The following CCDC141 variants were observed in gnomAD, a reference collection of about 807,000 sequenced individuals.
CCDC141 encodes the protein coiled-coil domain containing 141.
A neutral mutation model predicts 181.0 loss-of-function variants in CCDC141; 168 were observed. The observed-to-expected ratio is 0.93, with a 90% CI of 0.82 to 1.05. CCDC141 has a LOEUF of 1.05. Among genes scored for constraint, CCDC141 ranks in the 50% least tolerant of loss-of-function variants. CCDC141 has a pLI of 0.00. For missense variants in CCDC141, 1,902 were observed against 1,788.5 expected (o/e 1.06, Z -1.14); for synonymous variants, 666 against 642.3 (o/e 1.04, Z -0.56).
chr2:178,910,971 T>C (rs111671858), intron 7 of CCDC141, among the ~76,000 whole-genome samples: 2 of 152,230 alleles, frequency 1.3e-5, no homozygotes, highest in Non-Finnish European at 2.9e-5. Context: ...TGACCATCTC[T>C]TGTTCTGAGG....
chr2:178,951,921 G>A (rs987460376), intron 5 of CCDC141, among the ~76,000 whole-genome samples: 2 of 152,164 alleles, frequency 1.3e-5, no homozygotes, highest in African/African-American at 4.8e-5. Flanking sequence ...CAACCGACTT[G>A]GGGGCTTAAT....
At chr2:179,026,260 G>T (rs1200719325) in intron 2 of CCDC141, among the ~76,000 whole-genome samples, 2 of 152,196 alleles carry the variant, frequency 1.3e-5, no homozygotes, top group African/African-American at 4.8e-5. Context: ...GGAAAAAGTG[G>T]TTTCATGGGC....
intron 2 of CCDC141, among the ~76,000 whole-genome samples, chr2:179,033,550 T>C (rs911664257): frequency 7.9e-5 from 12 of 152,154 alleles, no homozygotes; most frequent in African/African-American, 2.7e-4. Context: ...ATATTTAATC[T>C]TACTCAGACA....
chr2:178,956,614 T>A (rs1159963977), intron 5 of CCDC141, among the ~76,000 whole-genome samples: 1 of 152,200 alleles, frequency 6.6e-6, no homozygotes, highest in Non-Finnish European at 1.5e-5. Context: ...AGAGCCTAAA[T>A]TTTATATTTA....
At position 178,944,550 on chromosome 2, in the gene CCDC141, C is replaced by T. The variant is rs776605749; in HGVS notation, c.882G>A (p.Leu294=). The change falls in exon 6 of 24, where the codon CTG becomes CTA. Residue 294 remains leucine, a synonymous_variant. Transcript: ENST00000443758. ...NEDRIHKQEE[L]IIKAKEWNSA... is the part of the protein sequence containing the mutation. Reference sequence around the variant, plus strand: ...TATCTCTTACCTTTGCTTTTATTATCAGTTCCTCTTGCTTATGAATTCGAT... The same window carrying T: ...TATCTCTTACCTTTGCTTTTATTATTAGTTCCTCTTGCTTATGAATTCGAT... 4.0e-6 allele frequency: 6 copies of T among 1,495,644 alleles called. No homozygotes were observed. Among genetic ancestry groups the T allele is most frequent in the Admixed American group, 4.3e-5 (2 of 46,444 alleles). The allele number at this position is 1,495,644 out of a possible 1,614,324, so 92.6% of individuals were successfully genotyped here. A position where few individuals can be genotyped will look rare whatever the true frequency, so the allele number is the denominator to read the frequency against.
In CCDC141 at chr2:179,044,600, C is replaced by T. The variant is rs372347353; in HGVS notation, c.225+2684G>A. On this transcript the variant is annotated intron_variant, in intron 2 of 23. Coordinates refer to ENST00000443758, the MANE Select transcript of CCDC141 (RefSeq NM_173648.4). Reference sequence around the variant, plus strand: ...CAAACTGATGTGAGCTCACCCACCACTACCCACAATTTATCAGTGGACTGG... The same window carrying T: ...CAAACTGATGTGAGCTCACCCACCATTACCCACAATTTATCAGTGGACTGG... Among the ~76,000 whole-genome samples the T allele has an allele frequency of 1.6e-3, 243 of 152,312 alleles. 1 individual carries two copies. Among genetic ancestry groups the T allele is most frequent in the African/African-American group, 5.7e-3 (238 of 41,554 alleles).
chr2:179,019,963 C>T (rs2042648274), intron 2 of CCDC141, among the ~76,000 whole-genome samples: 3 of 151,944 alleles, frequency 2.0e-5, no homozygotes, highest in Admixed American at 1.3e-4. Flanking sequence ...ACCATGTTGC[C>T]CAGGTGGGTC....
chr2:178,846,644 C>A (rs1684951782), intron 21 of CCDC141, among the ~76,000 whole-genome samples: 1 of 152,076 alleles, frequency 6.6e-6, no homozygotes, highest in Non-Finnish European at 1.5e-5. Context: ...TATCTTATTC[C>A]AAAATATCAG....
intron 4 of CCDC141, among the ~76,000 whole-genome samples, chr2:178,970,108 A>C (rs1250830262): frequency 6.6e-6 from 1 of 152,216 alleles, no homozygotes; most frequent in Admixed American, 6.5e-5. Flanking sequence ...ACCACCGCTC[A>C]AGGAAATAAG....
intron 4 of CCDC141, among the ~76,000 whole-genome samples, chr2:178,971,411 T>A (rs528661849): frequency 6.6e-6 from 1 of 152,150 alleles, no homozygotes; most frequent in East Asian, 1.9e-4. Flanking sequence ...CATCAAAAAG[T>A]CAGGAAACAA....
chr2:179,021,272 GAA>G (rs2042685126), intron 2 of CCDC141, among the ~76,000 whole-genome samples: 1 of 152,134 alleles, frequency 6.6e-6, no homozygotes, highest in South Asian at 2.1e-4. Flanking sequence ...TTTTTCTGGT[GAA>G]AGAGAAATGA....
chr2:178,932,421 C>G (rs1689135778), intron 6 of CCDC141, among the ~76,000 whole-genome samples: 1 of 152,154 alleles, frequency 6.6e-6, no homozygotes, highest in African/African-American at 2.4e-5. Flanking sequence ...CCCATTCACT[C>G]TCTGCTAAGT....
At chr2:178,988,404 G>A (rs1014343284) in intron 2 of CCDC141, among the ~76,000 whole-genome samples, 1 of 151,090 alleles carries the variant, frequency 6.6e-6, no homozygotes, top group African/African-American at 2.4e-5. Context: ...CACCAGCATG[G>A]CACATGTATA....
intron 21 of CCDC141, among the ~76,000 whole-genome samples, chr2:178,849,464 C>T (rs1685072969): frequency 6.6e-6 from 1 of 152,214 alleles, no homozygotes; most frequent in African/African-American, 2.4e-5. Flanking sequence ...ATAAAAACAG[C>T]ATTAATCAAA....
intron 2 of CCDC141, among the ~76,000 whole-genome samples, chr2:178,997,409 CAGTT>C (rs1336597763): frequency 2.0e-5 from 3 of 152,028 alleles, no homozygotes; most frequent in African/African-American, 7.2e-5. Context: ...CAGTATGTAT[CAGTT>C]AGTCAGCCTG....
At chr2:178,893,044 T>C (rs1687230746) in intron 8 of CCDC141, among the ~76,000 whole-genome samples, 2 of 152,182 alleles carry the variant, frequency 1.3e-5, no homozygotes, top group African/African-American at 2.4e-5. Context: ...AGAGGATGCC[T>C]GTCTGTAGTG....
In CCDC141 at chr2:178,950,900, T is replaced by G. The variant is rs565421121; in HGVS notation, c.781-6249A>C. Among the ~76,000 whole-genome samples, 52 of 152,332 alleles carry G rather than the reference T, an allele frequency of 3.4e-4. No homozygotes were observed. In the South Asian group the frequency reaches 0.011, roughly 32 times the overall value. On this transcript the variant is annotated intron_variant, in intron 5 of 23. Transcript: ENST00000443758. ...AACTATTCTGACTTGTATTAGCATA[T>G]AATTTCTCTTCTCACGTCTATATTT...
intron 7 of CCDC141, among the ~76,000 whole-genome samples, chr2:178,916,939 C>CTTTTT (rs35684887): frequency 6.9e-6 from 1 of 145,250 alleles, no homozygotes; most frequent in African/African-American, 2.6e-5. Context: ...TCTTCTTCTT[C>CTTTTT]TTTTTTTTTT....
chr2:179,030,328 C>T (rs1428244289), intron 2 of CCDC141, among the ~76,000 whole-genome samples: 1 of 152,026 alleles, frequency 6.6e-6, no homozygotes, highest in African/African-American at 2.4e-5. Context: ...GACCCGTTAA[C>T]CAACATTAAG....
Sources: gnomAD v4.1 joint callset for allele counts (sites outside exome capture counted in the v4.1 genomes callset) on GRCh38, gnomAD v4.1.1 for gene constraint, MANE v1.5 for transcripts, NCBI Gene and HGNC (gene_info 2026-07-23, HGNC 2026-07-21) for gene names.